The following ANKRD53 variants were observed in gnomAD, a reference collection of about 807,000 sequenced individuals.
ANKRD53 encodes ankyrin repeat domain-containing protein 53.
A neutral mutation model predicts 30.1 loss-of-function variants in ANKRD53; 27 were observed. The observed-to-expected ratio is 0.90, with a 90% confidence interval of 0.66 to 1.24. The LOEUF is 1.24. ANKRD53 is among the 50% of genes most tolerant of loss of function. The pLI, the probability that ANKRD53 is intolerant of heterozygous loss-of-function variation, is 0.00. For missense variants in ANKRD53, 682 were observed against 721.0 expected, an observed-to-expected ratio of 0.95 and a Z score of 0.62; for synonymous variants, 286 against 295.4, an observed-to-expected ratio of 0.97 and a Z score of 0.33.
chr2:70,981,384 G>A (rs1670006083), intron 3 of ANKRD53, among the ~76,000 whole-genome samples: 1 of 152,114 alleles, frequency 6.6e-6, no homozygotes, highest in South Asian at 2.1e-4. Context: ...GGTAAAGCAG[G>A]TAGGGGGAGG....
In ANKRD53 at chr2:70,978,971, C is replaced by T. The variant is rs538042187; in HGVS notation, c.171-126C>T. 422 of 1,448,196 alleles carry T rather than the reference C, an allele frequency of 2.9e-4. 3 individuals are homozygous for T. The East Asian group carries it at 7.8e-3, about 27-fold the overall frequency. The allele number at this position is 1,448,196 out of a possible 1,614,324, so 89.7% of individuals were successfully genotyped here. A position where few individuals can be genotyped will look rare whatever the true frequency, so the allele number is the denominator to read the frequency against. ...CCAGGGATCGCCTCCCGAGAGGTGC[C>T]TAGGCCGTGGCCCAGAGTCGCTTCC... On this transcript the variant is annotated intron_variant, in intron 1 of 5. Transcript: ENST00000360589. The surrounding 1 kb of genome is among the most constrained non-coding windows in gnomAD (Gnocchi z 4.3).
At position 70,985,300 on chromosome 2, in the gene ANKRD53, AAGTTATT is replaced by A. The variant is rs1307999584; in HGVS notation, c.*2_*8del. The A allele has an allele frequency of 6.5e-7, 1 of 1,548,704 alleles. No individual in the cohort carries two copies. Among genetic ancestry groups the A allele is most frequent in the African/African-American group, 1.4e-5 (1 of 72,828 alleles). On this transcript the variant is annotated 3_prime_UTR_variant, in exon 6 of 6. Transcript: ENST00000360589. ...TGCCCTCCCCACAAACCAACCCATAAAGTTATTATGGCTACCTCTCCCCCTGAGGCAG... is the reference window on the plus strand; with the variant it reads ...TGCCCTCCCCACAAACCAACCCATAAATGGCTACCTCTCCCCCTGAGGCAG...
intron 3 of ANKRD53, among the ~76,000 whole-genome samples, chr2:70,981,670 T>C (rs1384726709): frequency 6.6e-6 from 1 of 152,182 alleles, no homozygotes; most frequent in Non-Finnish European, 1.5e-5. Context: ...ATGAGGTTAG[T>C]GGTCTCTGAA....
chr2:70,979,253 C>T lies in ANKRD53; in HGVS notation c.327C>T (p.Tyr109=). Residue 109 remains tyrosine (Y), a synonymous_variant, in exon 2 of 6, where the codon TAC becomes TAT. Transcript: ENST00000360589. Reference sequence around the variant, plus strand: ...TCGACCAGACGGCGATCGGGAGCTACTACCAGCTGTTCGCAGCGGCTGTGG... The same window carrying T: ...TCGACCAGACGGCGATCGGGAGCTATTACCAGCTGTTCGCAGCGGCTGTGG... The part of the protein sequence containing the change: ...TAIDQTAIGS[Y]YQLFAAAVGN... 2 of 1,613,716 alleles carry T rather than the reference C, an allele frequency of 1.2e-6. No homozygotes were observed. The highest frequency in any genetic ancestry group is 1.7e-6 in the Non-Finnish European group (2 of 1,180,026).
At chr2:70,984,138 G>A (rs1273800911) in intron 5 of ANKRD53, 1 of 1,613,860 alleles carries the variant, frequency 6.2e-7, no homozygotes, top group East Asian at 2.2e-5. Context: ...AGGATGCAGT[G>A]TGCACTTCCC....
rs1553424485 is a variant in ANKRD53, at chr2:70,984,951, C to G, written c.1244C>G (p.Thr415Ser). Residue 415 changes from threonine to serine, a missense_variant, in exon 6 of 6, where the codon ACT becomes AGT. Transcript: ENST00000360589. ...GIRLGVHPDP[T>S]PEHDFSSFLE... ...CGCCTGGGCGTGCATCCAGACCCCA[C>G]TCCGGAGCACGACTTCAGCAGCTTC... 6.4e-7 allele frequency: 1 copy of G among 1,550,448 alleles called. No homozygotes were observed. Among genetic ancestry groups the G allele is most frequent in the Non-Finnish European group, 8.7e-7 (1 of 1,146,782 alleles).
chr2:70,982,136 C>T lies in ANKRD53; in HGVS notation c.782+36C>T. On this transcript the variant is annotated intron_variant, in intron 4 of 5. Coordinates refer to ENST00000360589, the MANE Select transcript of ANKRD53 (RefSeq NM_001115116.2). This position sits in a 1 kb window ranked among gnomAD's most constrained non-coding sequence, Gnocchi z 4.2. Reference sequence around the variant, plus strand: ...GAGAACCACCTGGAGCCTGCCCACCCCCTTCCCCTCCCCCAGCCTTTTCCC... The same window carrying T: ...GAGAACCACCTGGAGCCTGCCCACCTCCTTCCCCTCCCCCAGCCTTTTCCC... 6.4e-7 allele frequency: 1 copy of T among 1,557,632 alleles called. No homozygotes were observed.
Position 70,984,953 on chromosome 2 carries a change from C to A in ANKRD53, c.1246C>A (p.Pro416Thr), listed in dbSNP as rs1489971903. The A allele has an allele frequency of 6.4e-7, 1 of 1,550,416 alleles. No homozygotes were observed. Among genetic ancestry groups the A allele is most frequent in the Non-Finnish European group, 8.7e-7 (1 of 1,146,764 alleles). ...CCTGGGCGTGCATCCAGACCCCACT[C>A]CGGAGCACGACTTCAGCAGCTTCCT... is the stretch of plus-strand genomic sequence containing the variant. The part of the protein sequence containing the change: ...IRLGVHPDPT[P>T]EHDFSSFLEV... Residue 416 changes from proline to threonine, a missense_variant, in exon 6 of 6, where the codon CCG becomes ACG. By Grantham distance (38) the Pro-to-Thr change is conservative. Transcript: ENST00000360589.
chr2:70,979,362 G>A lies in ANKRD53; in HGVS notation c.417+19G>A. The A allele has an allele frequency of 1.9e-6, 3 of 1,612,804 alleles. No individual in the cohort carries two copies. The highest frequency in any genetic ancestry group is 2.5e-6 in the Non-Finnish European group (3 of 1,179,480). On this transcript the variant is annotated intron_variant, in intron 2 of 5. Transcript: ENST00000360589. ...CGACAAGGTAAGGTCTTGAGTGTTG[G>A]GGCAAAGACCGAGGTCCCTCTCCCG...
At chr2:70,983,422 G>T (rs1670069662) in intron 5 of ANKRD53, among the ~76,000 whole-genome samples, 1 of 152,234 alleles carries the variant, frequency 6.6e-6, no homozygotes, top group African/African-American at 2.4e-5. Flanking sequence ...CCACATCAGT[G>T]AAGGACCTTG....
intron 5 of ANKRD53, among the ~76,000 whole-genome samples, chr2:70,983,423 A>C (rs1670069790): frequency 6.6e-6 from 1 of 152,260 alleles, no homozygotes; most frequent in South Asian, 2.1e-4. Flanking sequence ...CACATCAGTG[A>C]AGGACCTTGG....
rs1426741353 is a variant in ANKRD53, at chr2:70,985,395, C to T, written c.*95C>T. ...GTGGCGAGGAAAGGGGGAGGGGTGC[C>T]TATGGGCTTCCCACTCCCAAGCTCG... is the stretch of plus-strand genomic sequence containing the variant. On this transcript the variant is annotated 3_prime_UTR_variant, in exon 6 of 6. Transcript: ENST00000360589. 4 of 1,195,010 alleles carry T rather than the reference C, an allele frequency of 3.3e-6. No homozygotes were observed. The highest frequency in any genetic ancestry group is 4.7e-6 in the Non-Finnish European group (4 of 857,918). The allele number at this position is 1,195,010 out of a possible 1,614,324, so 74.0% of individuals were successfully genotyped here. A position where few individuals can be genotyped will look rare whatever the true frequency, so the allele number is the denominator to read the frequency against.
chr2:70,981,909 T>C (rs782533437), intron 3 of ANKRD53, 27 bp from the exon 4 acceptor site: 2 of 1,531,852 alleles, frequency 1.3e-6, no homozygotes, highest in African/African-American at 1.4e-5. Flanking sequence ...TTTCTGCCCT[T>C]ATCCCCACTG....
chr2:70,984,644 A>T lies in ANKRD53; in HGVS notation c.937A>T (p.Arg313Ter). Residue 313 changes from arginine to a stop codon, truncating the protein, a stop_gained, in exon 6 of 6, where the codon AGA becomes TGA. Transcript: ENST00000360589. LOFTEE classifies it low-confidence loss of function (END_TRUNC). ...EHKILREAAI[R>*]KWLHGKLHPG... ...CAAAATTCTCAGAGAAGCTGCTATC[A>T]GAAAGTGGCTCCACGGCAAGCTGCA... 6.2e-7 allele frequency: 1 copy of T among 1,614,172 alleles called. No homozygotes were observed. Among genetic ancestry groups the T allele is most frequent in the African/African-American group, 1.3e-5 (1 of 75,054 alleles).
chr2:70,981,882 A>T, intron 3 of ANKRD53, 54 bp from the exon 4 acceptor site: 1 of 1,485,504 alleles, frequency 6.7e-7, no homozygotes, highest in Non-Finnish European at 9.0e-7. Context: ...TGATGGACAG[A>T]TGCTCTTTGT....
Position 70,982,124 on chromosome 2 carries a change from A to G in ANKRD53, c.782+24A>G. ...CGGTGAGAGTGTGAGAACCACCTGG[A>G]GCCTGCCCACCCCCTTCCCCTCCCC... On this transcript the variant is annotated intron_variant, in intron 4 of 5. Transcript: ENST00000360589. The surrounding 1 kb of genome is among the most constrained non-coding windows in gnomAD (Gnocchi z 4.2). The G allele has an allele frequency of 1.3e-6, 2 of 1,579,676 alleles. No individual in the cohort carries two copies. The highest frequency in any genetic ancestry group is 1.3e-5 in the African/African-American group (1 of 74,362).
In ANKRD53 at chr2:70,978,685, G is replaced by C. The variant is rs1669899428; in HGVS notation, c.40G>C (p.Gly14Arg). ...AGSTARRAGS[G>R]SWHSERGEGR... is the part of the protein sequence containing the mutation. ...CAGCACCGCTCGGCGGGCGGGCTCC[G>C]GAAGCTGGCACTCAGAAAGGGGAGA... Residue 14 changes from glycine (G) to arginine (R), a missense_variant, in exon 1 of 6, where the codon GGA becomes CGA. Physicochemically the swap from Gly to Arg is moderately radical, Grantham distance 125. Transcript: ENST00000360589. The surrounding 1 kb of genome is among the most constrained non-coding windows in gnomAD (Gnocchi z 4.3). The C allele has an allele frequency of 2.6e-6, 4 of 1,543,902 alleles. No homozygotes were observed. In the East Asian group the frequency reaches 9.9e-5, roughly 38 times the overall value.
intron 2 of ANKRD53, 137 bp downstream of exon 2, chr2:70,979,480 T>C (rs1553423118): frequency 4.0e-6 from 6 of 1,481,898 alleles, no homozygotes; most frequent in Non-Finnish European, 4.5e-6. Flanking sequence ...GGAAGGACCA[T>C]TTTGGGGGCA....
rs1236938198 is a variant in ANKRD53, at chr2:70,982,992, A to G, written c.903+295A>G. 1.3e-5 allele frequency among the ~76,000 whole-genome samples: 2 copies of G among 152,182 alleles called. No individual in the cohort carries two copies. Among genetic ancestry groups the G allele is most frequent in the Non-Finnish European group, 2.9e-5 (2 of 68,020 alleles). On this transcript the variant is annotated intron_variant, in intron 5 of 5. Coordinates refer to ENST00000360589, the MANE Select transcript of ANKRD53 (RefSeq NM_001115116.2). This position sits in a 1 kb window ranked among gnomAD's most constrained non-coding sequence, Gnocchi z 4.2. ...GCCTCTTTCAGGATGAGAACCTTCA[A>G]TGAGACCAAGGCACTGCCTGTAACT... is the stretch of plus-strand genomic sequence containing the variant.
Sources: allele counts gnomAD v4.1 joint callset (sites outside exome capture counted in the v4.1 genomes callset), GRCh38; gene constraint gnomAD v4.1.1; non-coding constraint Gnocchi (gnomAD v3.1); transcripts MANE v1.5; gene names NCBI Gene and HGNC (gene_info 2026-07-23, HGNC 2026-07-21).